NLRP8: variants seen among roughly 807,000 people sequenced by gnomAD.
NLRP8 encodes NLR family pyrin domain containing 8.
NLRP8 carries 86 observed loss-of-function variants against 88.7 expected under a neutral mutation model. The ratio of observed to expected loss-of-function variants is 0.97; its 90% confidence interval spans 0.81 to 1.16. The LOEUF is 1.16. Among genes scored for constraint, NLRP8 ranks in the 50% most tolerant of loss-of-function variants. The pLI is 0.00. For synonymous variants in NLRP8, 504 were observed against 494.6 expected, an observed-to-expected ratio of 1.02 and a Z score of -0.25; for missense variants, 1,342 against 1,286.5, an observed-to-expected ratio of 1.04 and a Z score of -0.66.
intron 9 of NLRP8, among the ~76,000 whole-genome samples, chr19:55,986,789 T>TG (rs1257137071): frequency 6.6e-6 from 1 of 151,962 alleles, no homozygotes; most frequent in Non-Finnish European, 1.5e-5. Flanking sequence ...GGCCCAGAGC[T>TG]GGACCTGCTC....
intron 8 of NLRP8, among the ~76,000 whole-genome samples, chr19:55,977,311 A>G (rs1333938218): frequency 6.9e-6 from 1 of 145,684 alleles, no homozygotes; most frequent in Non-Finnish European, 1.5e-5. Context: ...AAATATTTAT[A>G]TGTAGATACT....
At position 55,988,442 on chromosome 19, in the gene NLRP8, G is replaced by GTATATATATATATATA. The variant is rs1165775867; in HGVS notation, c.*530_*531insATATATATATATATAT. The GTATATATATATATATA allele has an allele frequency of 0.012, 1,262 of 103,444 alleles. 15 individuals are homozygous for GTATATATATATATATA. The highest frequency in any genetic ancestry group is 0.015 in the African/African-American group (383 of 25,274). The allele number at this position is 103,444 out of a possible 1,614,324, so 6.4% of individuals were successfully genotyped here. On this transcript the variant is annotated 3_prime_UTR_variant, in exon 10 of 10. Transcript: ENST00000291971. ...TACACATAAATATATATATGTGTGT[G>GTATATATATATATATA]TGTATATATATATATATATATATAT...
At chr19:55,967,362 C>G (rs1027718101) in intron 5 of NLRP8, among the ~76,000 whole-genome samples, 4 of 152,202 alleles carry the variant, frequency 2.6e-5, no homozygotes, top group African/African-American at 9.6e-5. Flanking sequence ...CCCTTCCCAG[C>G]CCCTGGTAAC....
In NLRP8 at chr19:55,983,768, CAA is replaced by C. The variant is rs1321684939; in HGVS notation, c.3048-4044_3048-4043del. 4.3e-4 allele frequency among the ~76,000 whole-genome samples: 47 copies of C among 108,326 alleles called. 1 individual carries two copies. Among genetic ancestry groups the C allele is most frequent in the Middle Eastern group, 9.4e-3 (1 of 106 alleles). The allele number at this position is 108,326 out of a possible 152,430, so 71.1% of individuals were successfully genotyped here. A position where few individuals can be genotyped will look rare whatever the true frequency, so the allele number is the denominator to read the frequency against. ...TCAGTGACATGACAGAACAAGAACA[CAA>C]AGTTGGCAGGAACTATTTCAGATTC... On this transcript the variant is annotated intron_variant, in intron 9 of 9. Coordinates refer to ENST00000291971, the MANE Select transcript of NLRP8 (RefSeq NM_176811.2).
intron 3 of NLRP8, among the ~76,000 whole-genome samples, chr19:55,961,395 T>A (rs886892302): frequency 6.6e-6 from 1 of 152,348 alleles, no homozygotes; most frequent in Non-Finnish European, 1.5e-5. Context: ...ATTTTTCCTT[T>A]ATTCTGATCC....
intron 6 of NLRP8, 147 bp downstream of exon 6, chr19:55,970,843 T>C (rs1980045843): frequency 1.2e-5 from 13 of 1,062,292 alleles, no homozygotes; most frequent in Non-Finnish European, 1.8e-5. Context: ...ATTATATAGA[T>C]AGGTCAATAA....
Position 55,955,713 on chromosome 19 carries a change from T to A in NLRP8, c.1655T>A (p.Leu552His). The change falls in exon 3 of 10, where the codon CTC (leucine) becomes CAC (histidine). Residue 552 changes from leucine (L) to histidine (H), a missense_variant. Coordinates refer to ENST00000291971, the MANE Select transcript of NLRP8 (RefSeq NM_176811.2). ...AGTCCCAGAGGAAGCAAAAGCTATC[T>A]CTCTCACATGGGACTTTTCTTATTC... is the stretch of plus-strand genomic sequence containing the variant. 6.2e-7 allele frequency: 1 copy of A among 1,614,018 alleles called. No individual in the cohort carries two copies. The highest frequency in any genetic ancestry group is 2.2e-5 in the East Asian group (1 of 44,876).
chr19:55,970,357 T>A (rs1166362810), intron 5 of NLRP8, among the ~76,000 whole-genome samples, 187 bp from the exon 6 acceptor site: 1 of 152,124 alleles, frequency 6.6e-6, no homozygotes, highest in Non-Finnish European at 1.5e-5. Context: ...CAAGAGTGTG[T>A]TGGTTTTTGC....
At chr19:55,960,408 G>A (rs1322946168) in intron 3 of NLRP8, among the ~76,000 whole-genome samples, 3 of 152,110 alleles carry the variant, frequency 2.0e-5, no homozygotes, top group Non-Finnish European at 1.5e-5. Context: ...GGGCCCTCCA[G>A]TCCCTGAGGA....
At chr19:55,948,832 A>G (rs1273820653) in intron 1 of NLRP8, among the ~76,000 whole-genome samples, 1 of 152,216 alleles carries the variant, frequency 6.6e-6, no homozygotes, top group African/African-American at 2.4e-5. Flanking sequence ...AAAATAGTGG[A>G]AAAGCATATG....
intron 5 of NLRP8, among the ~76,000 whole-genome samples, chr19:55,968,517 G>A (rs754456102): frequency 1.3e-5 from 2 of 152,018 alleles, no homozygotes; most frequent in Admixed American, 1.3e-4. Context: ...AAGGTGGGTG[G>A]ATCACCTGAG....
In NLRP8 at chr19:55,974,691, G is replaced by A. The variant is rs551314234; in HGVS notation, c.2705+869G>A. 8.6e-4 allele frequency among the ~76,000 whole-genome samples: 128 copies of A among 148,672 alleles called. No individual in the cohort carries two copies. The Middle Eastern group carries it at 0.01, about 12-fold the overall frequency. On this transcript the variant is annotated intron_variant, in intron 7 of 9. Transcript: ENST00000291971. ...GCAGAGCTTACAGTGAGCCAAGATC[G>A]CACCACTGCACTCCAGCCTGGGCGA...
At chr19:55,952,729 A>T in intron 2 of NLRP8, 117 bp downstream of exon 2, 1 of 752,878 alleles carries the variant, frequency 1.3e-6, no homozygotes, top group East Asian at 2.7e-5. Context: ...TTTCTTCTAC[A>T]ATCAGAACCA....
At chr19:55,971,275 A>C (rs1980061888) in intron 6 of NLRP8, among the ~76,000 whole-genome samples, 1 of 151,910 alleles carries the variant, frequency 6.6e-6, no homozygotes, top group Non-Finnish European at 1.5e-5. Context: ...CCCCATCTCT[A>C]CTAAAAATAC....
In NLRP8 at chr19:55,954,487, TC is replaced by T; in HGVS notation, c.443-13del. 1 of 1,608,178 alleles carries T rather than the reference TC, an allele frequency of 6.2e-7. No individual in the cohort carries two copies. On this transcript the variant is annotated splice_polypyrimidine_tract_variant and intron_variant, in intron 2 of 9. Transcript: ENST00000291971. The stretch of plus-strand genomic sequence containing the variant: ...GATGTCATACCCTTTATTTCTCCCA[TC>T]TCACAAATCTAGGTAAAATACGGCG...
At chr19:55,962,682 A>G (rs746348594) in intron 4 of NLRP8, among the ~76,000 whole-genome samples, 13 of 152,126 alleles carry the variant, frequency 8.5e-5, no homozygotes, top group Non-Finnish European at 1.9e-4. Flanking sequence ...TGGGAGGCTG[A>G]GGTGGGAGGA....
chr19:55,988,534 C>T lies in NLRP8; in HGVS notation c.*621C>T, dbSNP rs888726007. On this transcript the variant is annotated 3_prime_UTR_variant, in exon 10 of 10. Coordinates refer to ENST00000291971, the MANE Select transcript of NLRP8 (RefSeq NM_176811.2). ...GACAGGATATAGACAAAGTCTTCAT[C>T]GTCTTCTTGCTTCTTCTACCTTTAT... The T allele has an allele frequency of 1.0e-4, 15 of 148,158 alleles. No individual in the cohort carries two copies. The highest frequency in any genetic ancestry group is 6.4e-4 in the South Asian group (3 of 4,686). 9.2% of individuals were successfully genotyped at this position (148,158 alleles called of 1,614,324 possible).
Position 55,968,823 on chromosome 19 carries a change from C to A in NLRP8, c.2382-1721C>A, listed in dbSNP as rs969571227. On this transcript the variant is annotated intron_variant, in intron 5 of 9. Coordinates refer to ENST00000291971, the MANE Select transcript of NLRP8 (RefSeq NM_176811.2). ...TGCTGTAGAAAACCAAGTGGCACTC[C>A]AGAGGAGGCCCACGAGCCACTGCTT... 8.5e-5 allele frequency among the ~76,000 whole-genome samples: 13 copies of A among 152,294 alleles called. No individual in the cohort carries two copies. The East Asian group carries it at 2.5e-3, about 29-fold the overall frequency.
intron 9 of NLRP8, among the ~76,000 whole-genome samples, chr19:55,980,403 A>G (rs1980522399): frequency 6.6e-6 from 1 of 152,340 alleles, no homozygotes; most frequent in East Asian, 1.9e-4. Context: ...CTCAACGCTT[A>G]GTAACTTAAA....
Sources: gnomAD v4.1 joint callset for allele counts (sites outside exome capture counted in the v4.1 genomes callset) on GRCh38, gnomAD v4.1.1 for gene constraint, MANE v1.5 for transcripts, NCBI Gene and HGNC (gene_info 2026-07-23, HGNC 2026-07-21) for gene names.